Variants in DHTKD1 observed in about 807,000 individuals in gnomAD.
The protein encoded by DHTKD1 is 2-oxoadipate dehydrogenase complex component E1.
DHTKD1 carries 78 observed loss-of-function variants against 101.8 expected under a neutral mutation model. That is an observed-to-expected ratio of 0.77 (90% CI 0.64 to 0.93). The LOEUF (loss-of-function observed/expected upper bound fraction) is 0.93. DHTKD1 is among the 40% of genes least tolerant of loss of function. The probability of loss-of-function intolerance (pLI) is 0.00; values close to 1 mark genes in which losing one functional copy is unlikely to be tolerated. For missense variants in DHTKD1, 1,223 were observed against 1,161.7 expected, an observed-to-expected ratio of 1.05 and a Z score of -0.77; for synonymous variants, 462 against 450.3, an observed-to-expected ratio of 1.03 and a Z score of -0.33.
chr10:12,097,709 T>C lies in DHTKD1; in HGVS notation c.1384T>C (p.Tyr462His). The change falls in exon 8 of 17, where the codon TAT becomes CAT. Residue 462 changes from tyrosine (Y) to histidine (H), a missense_variant. Transcript: ENST00000263035. ...AGCTCGAAAGAGCATTCCAGACACA[T>C]ATGCAGAGCACCTCATTGCTGGCGG... ...IRARKSIPDT[Y>H]AEHLIAGGLM... The C allele has an allele frequency of 3.7e-6, 6 of 1,613,744 alleles. No homozygotes were observed. The highest frequency in any genetic ancestry group is 5.1e-6 in the Non-Finnish European group (6 of 1,179,758).
chr10:12,078,561 A>G (rs568875418), intron 1 of DHTKD1, among the ~76,000 whole-genome samples: 27 of 151,886 alleles, frequency 1.8e-4, no homozygotes, highest in Non-Finnish European at 3.5e-4. Flanking sequence ...CAGTGAGCTG[A>G]GATTGTGTCA....
At chr10:12,105,570 G>A (rs1335759627) in intron 10 of DHTKD1, among the ~76,000 whole-genome samples, 2 of 151,898 alleles carry the variant, frequency 1.3e-5, no homozygotes, top group South Asian at 2.1e-4. Context: ...CTCCCATCTC[G>A]GCCTCCCAAA....
chr10:12,091,239 C>T (rs942689436), intron 5 of DHTKD1, among the ~76,000 whole-genome samples: 1 of 151,390 alleles, frequency 6.6e-6, no homozygotes, highest in African/African-American at 2.4e-5. Flanking sequence ...GGTGAAACCC[C>T]GCCTCTACTA....
In DHTKD1 at chr10:12,107,031, C is replaced by T. The variant is rs990515581; in HGVS notation, c.2047+635C>T. Reference sequence around the variant, plus strand: ...ACGGAGTCTCGCTCTGTCACCCAGGCTGGAGTGCAGTGGTGCGATCTCGGC... The same window carrying T: ...ACGGAGTCTCGCTCTGTCACCCAGGTTGGAGTGCAGTGGTGCGATCTCGGC... On this transcript the variant is annotated intron_variant, in intron 11 of 16. Transcript: ENST00000263035. The surrounding 1 kb of genome is among the most constrained non-coding windows in gnomAD (Gnocchi z 4.1). 4.0e-5 allele frequency among the ~76,000 whole-genome samples: 6 copies of T among 151,078 alleles called. No individual in the cohort carries two copies. Among genetic ancestry groups the T allele is most frequent in the African/African-American group, 1.5e-4 (6 of 41,080 alleles).
chr10:12,103,696 G>A lies in DHTKD1; in HGVS notation c.1896+2515G>A, dbSNP rs1310269170. On this transcript the variant is annotated intron_variant, in intron 10 of 16. Coordinates refer to ENST00000263035, the MANE Select transcript of DHTKD1 (RefSeq NM_018706.7). The surrounding 1 kb of genome is among the most constrained non-coding windows in gnomAD (Gnocchi z 4.8). ...ACGCCTGGCTACTTTTAAATATTTT[G>A]TAGAGATAGGAGTCTCACTGTGATG... Among the ~76,000 whole-genome samples the A allele has an allele frequency of 6.6e-6, 1 of 152,056 alleles. No homozygotes were observed. Among genetic ancestry groups the A allele is most frequent in the African/African-American group, 2.4e-5 (1 of 41,392 alleles).
At position 12,121,903 on chromosome 10, in the gene DHTKD1, G is replaced by A. The variant is rs1004496685; in HGVS notation, c.*1015G>A. 1 of 152,168 alleles carries A rather than the reference G, an allele frequency of 6.6e-6. No homozygotes were observed. Among genetic ancestry groups the A allele is most frequent in the African/African-American group, 2.4e-5 (1 of 41,444 alleles). 9.4% of individuals were successfully genotyped at this position (152,168 alleles called of 1,614,324 possible). A position where few individuals can be genotyped will look rare whatever the true frequency, so the allele number is the denominator to read the frequency against. On this transcript the variant is annotated 3_prime_UTR_variant, in exon 17 of 17. Transcript: ENST00000263035. ...ACACTTCTGAGTTTACAGCTCCGTG[G>A]AGATGACCTCAACACTGCCTCTTGA...
Position 12,122,310 on chromosome 10 carries a change from T to C in DHTKD1, c.*1422T>C, listed in dbSNP as rs1833539820. The C allele has an allele frequency of 6.6e-6, 1 of 152,216 alleles. No homozygotes were observed. 9.4% of individuals were successfully genotyped at this position (152,216 alleles called of 1,614,324 possible). The stretch of plus-strand genomic sequence containing the variant: ...CAAGTCCCTGATGCAGTATGTTTAT[T>C]TGTGATGTTTAAAGAACATTTCTTG... On this transcript the variant is annotated 3_prime_UTR_variant, in exon 17 of 17. Coordinates refer to ENST00000263035, the MANE Select transcript of DHTKD1 (RefSeq NM_018706.7).
At chr10:12,069,854 T>C (rs1832628863) in intron 1 of DHTKD1, among the ~76,000 whole-genome samples, 1 of 151,978 alleles carries the variant, frequency 6.6e-6, no homozygotes, top group Non-Finnish European at 1.5e-5. Context: ...ACCAGCTCTT[T>C]AATGAGGCGG....
Position 12,105,396 on chromosome 10 carries a change from G to C in DHTKD1, c.1897-850G>C, listed in dbSNP as rs372094754. On this transcript the variant is annotated intron_variant, in intron 10 of 16. Coordinates refer to ENST00000263035, the MANE Select transcript of DHTKD1 (RefSeq NM_018706.7). ...AGTGGTGCGATTATAGCTCACTGTA[G>C]TTTCAACCTCCTGGGCTCAAGTGAT... Among the ~76,000 whole-genome samples, 6 of 152,008 alleles carry C rather than the reference G, an allele frequency of 3.9e-5. No homozygotes were observed. In the East Asian group the frequency reaches 9.8e-4, roughly 25 times the overall value.
At chr10:12,076,719 C>T (rs947581427) in intron 1 of DHTKD1, among the ~76,000 whole-genome samples, 1 of 151,826 alleles carries the variant, frequency 6.6e-6, no homozygotes, top group Admixed American at 6.6e-5. Flanking sequence ...AGCGCGGTGA[C>T]GCGATCTCAG....
In DHTKD1 at chr10:12,120,314, T is replaced by C. The variant is rs775758574; in HGVS notation, c.2658+47T>C. On this transcript the variant is annotated intron_variant, in intron 16 of 16. Coordinates refer to ENST00000263035, the MANE Select transcript of DHTKD1 (RefSeq NM_018706.7). ...TAGTGTTTTGTGTTTTGTGTGCATG[T>C]TGTTTTTCTTTTCTTTCTTTCTTTC... 10 of 1,469,740 alleles carry C rather than the reference T, an allele frequency of 6.8e-6. No homozygotes were observed. In the East Asian group the frequency reaches 6.8e-5, roughly 10 times the overall value. 91.0% of individuals were successfully genotyped at this position (1,469,740 alleles called of 1,614,324 possible).
intron 8 of DHTKD1, 31 bp from the exon 9 acceptor site, chr10:12,100,147 T>G (rs1833136513): frequency 3.0e-6 from 4 of 1,327,248 alleles, no homozygotes; most frequent in Non-Finnish European, 4.2e-6. Context: ...CTCTTAGACG[T>G]TCCTTTTTTT....
At chr10:12,114,608 G>A (rs1441618663) in intron 13 of DHTKD1, among the ~76,000 whole-genome samples, 1 of 151,392 alleles carries the variant, frequency 6.6e-6, no homozygotes, top group Admixed American at 6.6e-5. Context: ...GAGTATTACA[G>A]TTTTTACATT....
intron 9 of DHTKD1, among the ~76,000 whole-genome samples, chr10:12,100,556 C>T (rs1196191479): frequency 6.6e-6 from 1 of 152,064 alleles, no homozygotes; most frequent in Non-Finnish European, 1.5e-5. Flanking sequence ...AGCCACCGTG[C>T]CCAGCCAAGG....
intron 13 of DHTKD1, among the ~76,000 whole-genome samples, chr10:12,115,017 G>A (rs1195376259): frequency 6.6e-6 from 1 of 151,736 alleles, no homozygotes; most frequent in Non-Finnish European, 1.5e-5. Context: ...GGATGGTCTC[G>A]ATCTCCTGAC....
intron 1 of DHTKD1, among the ~76,000 whole-genome samples, chr10:12,071,655 C>T (rs929298294): frequency 6.6e-6 from 1 of 151,926 alleles, no homozygotes; most frequent in Non-Finnish European, 1.5e-5. Context: ...GGGCCAGGCA[C>T]AGTGACTCAC....
In DHTKD1 at chr10:12,100,795, G is replaced by A. The variant is rs1263035005; in HGVS notation, c.1757-247G>A. Among the ~76,000 whole-genome samples, 5 of 152,094 alleles carry A rather than the reference G, an allele frequency of 3.3e-5. No individual in the cohort carries two copies. The East Asian group carries it at 9.6e-4, about 29-fold the overall frequency. Reference sequence around the variant, plus strand: ...GGACAGTTATGCCTGGGAAACAAAGGGCTAGTGCTGGATGTACTGGAAAGA... The same window carrying A: ...GGACAGTTATGCCTGGGAAACAAAGAGCTAGTGCTGGATGTACTGGAAAGA... On this transcript the variant is annotated intron_variant, in intron 9 of 16. Coordinates refer to ENST00000263035, the MANE Select transcript of DHTKD1 (RefSeq NM_018706.7).
intron 16 of DHTKD1, among the ~76,000 whole-genome samples, 184 bp from the exon 17 acceptor site, chr10:12,120,603 T>C (rs568668047): frequency 6.6e-6 from 1 of 152,230 alleles, no homozygotes; most frequent in Admixed American, 6.5e-5. Context: ...CCCAAAGCGC[T>C]GGGATTACAG....
intron 1 of DHTKD1, among the ~76,000 whole-genome samples, chr10:12,080,092 A>G (rs1832791045): frequency 6.6e-6 from 1 of 152,104 alleles, no homozygotes; most frequent in African/African-American, 2.4e-5. Flanking sequence ...CATCCTGGCT[A>G]ACATGGTGAA....
Sources: gnomAD v4.1 joint callset for allele counts (sites outside exome capture counted in the v4.1 genomes callset) on GRCh38, gnomAD v4.1.1 for gene constraint, Gnocchi (gnomAD v3.1) non-coding constraint, MANE v1.5 for transcripts, NCBI Gene and HGNC (gene_info 2026-07-23, HGNC 2026-07-21) for gene names.